Variants in EXOC4 observed in about 807,000 individuals in gnomAD.
EXOC4 encodes the protein SEC8-like 1.
Under a neutral mutation model 107.2 loss-of-function variants are expected in EXOC4, and 71 were observed. That is an observed-to-expected ratio of 0.66 (90% CI 0.55 to 0.81). The LOEUF is 0.81. EXOC4 is among the 30% of genes least tolerant of loss of function. The pLI is 0.00. For synonymous variants in EXOC4, 456 were observed against 441.2 expected (o/e 1.03, Z -0.42); for missense variants, 1,108 against 1,189.6 (o/e 0.93, Z 1.01).
intron 7 of EXOC4, among the ~76,000 whole-genome samples, chr7:133,408,275 C>T (rs1394976933): frequency 7.2e-6 from 1 of 139,206 alleles, no homozygotes; most frequent in Admixed American, 7.2e-5. Flanking sequence ...TCGTGGGGGT[C>T]ATGGTAGGGT....
chr7:134,092,728 A>G, the EXOC4 span, among the ~76,000 whole-genome samples: 2 of 151,834 alleles, frequency 1.3e-5, no homozygotes, highest in African/African-American at 2.4e-5. Flanking sequence ...CGTTGAAACC[A>G]CCTGGCCAAC....
intron 9 of EXOC4, among the ~76,000 whole-genome samples, chr7:133,535,654 G>A (rs1317289828): frequency 3.9e-5 from 6 of 152,122 alleles, no homozygotes; most frequent in African/African-American, 1.4e-4. Context: ...TATTTTTAAA[G>A]CAATATCAAC....
At chr7:133,591,759 C>T (rs905315551) in intron 9 of EXOC4, among the ~76,000 whole-genome samples, 4 of 152,024 alleles carry the variant, frequency 2.6e-5, no homozygotes, top group Admixed American at 6.5e-5. Flanking sequence ...CAGAAGGGAC[C>T]GCTCTGTAAA....
intron 9 of EXOC4, among the ~76,000 whole-genome samples, chr7:133,571,679 C>CAA (rs79894289): frequency 2.0e-4 from 22 of 112,184 alleles, no homozygotes; most frequent in East Asian, 5.5e-4. Context: ...TGCCTCAAAG[C>CAA]AAAAAAAAAA....
At chr7:133,265,995 CTG>C (rs1433678800) in intron 1 of EXOC4, among the ~76,000 whole-genome samples, 1 of 152,138 alleles carries the variant, frequency 6.6e-6, no homozygotes, top group Non-Finnish European at 1.5e-5. Flanking sequence ...ATGACACTGC[CTG>C]TGTTTTAAAG....
At chr7:134,069,318 T>C (rs1163153890), downstream of EXOC4, among the ~76,000 whole-genome samples, 1 of 129,458 alleles carries the variant, frequency 7.7e-6, no homozygotes, top group Non-Finnish European at 1.6e-5. Context: ...CTTTCTTCCT[T>C]CTCCCCCTCC....
At chr7:133,344,960 G>T (rs1795751592) in intron 5 of EXOC4, among the ~76,000 whole-genome samples, 1 of 152,020 alleles carries the variant, frequency 6.6e-6, no homozygotes, top group South Asian at 2.1e-4. Flanking sequence ...TTTGGATTTT[G>T]GTCAGTTCAG....
chr7:133,561,128 C>T (rs548447163), intron 9 of EXOC4, among the ~76,000 whole-genome samples: 5 of 152,208 alleles, frequency 3.3e-5, no homozygotes, highest in African/African-American at 7.2e-5. Context: ...GTCAGTAAAA[C>T]GAAAGCTGTT....
chr7:133,888,640 GT>G (rs1041046486), intron 11 of EXOC4, among the ~76,000 whole-genome samples: 1 of 152,148 alleles, frequency 6.6e-6, no homozygotes, highest in Admixed American at 6.5e-5. Context: ...CTTTCAGATA[GT>G]TTTTTTAATT....
intron 5 of EXOC4, among the ~76,000 whole-genome samples, chr7:133,329,720 C>G (rs961743675): frequency 1.3e-5 from 2 of 152,154 alleles, no homozygotes; most frequent in Non-Finnish European, 2.9e-5. Flanking sequence ...GAGGTACACT[C>G]CAGATTTTGT....
intron 11 of EXOC4, among the ~76,000 whole-genome samples, chr7:133,832,884 T>C (rs1004631412): frequency 2.0e-5 from 3 of 152,172 alleles, no homozygotes; most frequent in Admixed American, 6.5e-5. Flanking sequence ...TAAACAAGTA[T>C]ATCACAATGG....
Position 133,437,055 on chromosome 7 carries a change from G to A in EXOC4, c.1183-38273G>A, listed in dbSNP as rs150639751. On this transcript the variant is annotated intron_variant, in intron 7 of 17. Transcript: ENST00000253861. ...CCATGATTCATTAAGATATATTATG[G>A]TCATAGTAAAGGCTCATTTTAAAAT... 2.6e-3 allele frequency among the ~76,000 whole-genome samples: 389 copies of A among 152,064 alleles called. 1 individual carries two copies. The highest frequency in any genetic ancestry group is 9.1e-3 in the African/African-American group (377 of 41,520).
chr7:133,793,905 GA>G (rs1443914886), intron 10 of EXOC4, among the ~76,000 whole-genome samples: 1 of 152,080 alleles, frequency 6.6e-6, no homozygotes, highest in African/African-American at 2.4e-5. Flanking sequence ...AGTTTATCTT[GA>G]CTGTATTTAT....
chr7:133,994,324 G>A lies in EXOC4; in HGVS notation c.2207-3168G>A, dbSNP rs534380734. Reference sequence around the variant, plus strand: ...CTTTTTTATGGCTGCATAGTATTCCGTGGCATATATGCACCATGCCTATCG... The same window carrying A: ...CTTTTTTATGGCTGCATAGTATTCCATGGCATATATGCACCATGCCTATCG... On this transcript the variant is annotated intron_variant, in intron 14 of 17. Transcript: ENST00000253861. 3.0e-3 allele frequency among the ~76,000 whole-genome samples: 463 copies of A among 152,104 alleles called. 1 individual carries two copies. The highest frequency in any genetic ancestry group is 5.8e-3 in the Non-Finnish European group (396 of 67,988).
intron 14 of EXOC4, among the ~76,000 whole-genome samples, chr7:133,946,044 C>T (rs1287915136): frequency 1.3e-5 from 2 of 152,176 alleles, no homozygotes; most frequent in Admixed American, 6.5e-5. Context: ...ATTCCTCTCT[C>T]GCTTCAGTAT....
chr7:133,763,532 C>T (rs1277863066), intron 10 of EXOC4, among the ~76,000 whole-genome samples: 2 of 152,084 alleles, frequency 1.3e-5, no homozygotes, highest in African/African-American at 2.4e-5. Context: ...CGAGTTTGCT[C>T]ATCTGTAAAA....
At chr7:133,519,833 C>T (rs1427265160) in intron 9 of EXOC4, among the ~76,000 whole-genome samples, 5 of 152,118 alleles carry the variant, frequency 3.3e-5, no homozygotes, top group African/African-American at 9.7e-5. Context: ...GAATACACAT[C>T]TCAGTTTCTA....
At chr7:133,831,257 C>T (rs1278142749) in intron 11 of EXOC4, among the ~76,000 whole-genome samples, 1 of 152,138 alleles carries the variant, frequency 6.6e-6, no homozygotes, top group African/African-American at 2.4e-5. Flanking sequence ...GCCACCACAC[C>T]TGGCCGACCT....
At chr7:133,665,001 G>A (rs1793780207) in intron 10 of EXOC4, among the ~76,000 whole-genome samples, 1 of 152,098 alleles carries the variant, frequency 6.6e-6, no homozygotes, top group East Asian at 1.9e-4. Flanking sequence ...CAGTGGTGGG[G>A]GAATCTCTAC....
Sources: allele counts gnomAD v4.1 joint callset (sites outside exome capture counted in the v4.1 genomes callset), GRCh38; gene constraint gnomAD v4.1.1; transcripts MANE v1.5; gene names NCBI Gene and HGNC (gene_info 2026-07-23, HGNC 2026-07-21).